The following NID2 variants were observed in gnomAD, a reference collection of about 807,000 sequenced individuals.
The protein encoded by NID2 is nidogen 2.
Under a neutral mutation model 145.4 loss-of-function variants are expected in NID2, and 83 were observed. The observed-to-expected ratio is 0.57, with a 90% CI of 0.48 to 0.69. The LOEUF (loss-of-function observed/expected upper bound fraction) is 0.69, where lower values mean the gene tolerates loss of function less well. Among genes scored for constraint, NID2 ranks in the 30% least tolerant of loss-of-function variants. The pLI, the probability that NID2 is intolerant of heterozygous loss-of-function variation, is 0.00. For missense variants in NID2, 1,807 were observed against 1,765.7 expected, an observed-to-expected ratio of 1.02 and a Z score of -0.42; for synonymous variants, 739 against 701.3, an observed-to-expected ratio of 1.05 and a Z score of -0.85.
At position 52,007,877 on chromosome 14, in the gene NID2, T is replaced by C. The variant is rs1402556412; in HGVS notation, c.3813A>G (p.Thr1271=). 1 of 1,613,936 alleles carries C rather than the reference T, an allele frequency of 6.2e-7. No homozygotes were observed. The highest frequency in any genetic ancestry group is 8.5e-7 in the Non-Finnish European group (1 of 1,179,870). ...DGENRRILIN[T]DIGLPNGLTF... ...TTAAGCCATTGGGCAATCCAATGTC[T>C]GTATTGATCAGAATTCTTCTGTTTT... is the stretch of plus-strand genomic sequence containing the variant. The change falls in exon 19 of 22, where the codon ACA becomes ACG. Residue 1271 remains threonine (T), a synonymous_variant. Coordinates refer to ENST00000216286, the MANE Select transcript of NID2 (RefSeq NM_007361.4).
In NID2 at chr14:52,019,272, G is replaced by GGCTTGA; in HGVS notation, c.2816_2817insTCAAGC (p.Pro939_Cys940insGlnAla). 1 of 1,596,398 alleles carries GGCTTGA rather than the reference G, an allele frequency of 6.3e-7. No homozygotes were observed. The highest frequency in any genetic ancestry group is 8.6e-7 in the Non-Finnish European group (1 of 1,165,814). On this transcript the variant is annotated inframe_insertion, in exon 14 of 22. Transcript: ENST00000216286. Reference sequence around the variant, plus strand: ...GGGCATGGCGCTGCTGTTGTTCACAGGGTGTCAGGCTTGAGGTGGAGTCTT... The same window carrying GGCTTGA: ...GGGCATGGCGCTGCTGTTGTTCACAGGCTTGAGGTGTCAGGCTTGAGGTGGAGTCTT...
At chr14:52,053,004 C>T (rs1465249535) in intron 5 of NID2, among the ~76,000 whole-genome samples, 1 of 152,218 alleles carries the variant, frequency 6.6e-6, no homozygotes, top group Non-Finnish European at 1.5e-5. Context: ...CAGGGAGGTT[C>T]ATGCCACAGC....
At chr14:52,006,410 A>T in intron 20 of NID2, 127 bp downstream of exon 20, 1 of 927,666 alleles carries the variant, frequency 1.1e-6, no homozygotes, top group African/African-American at 1.7e-5. Flanking sequence ...GCCAATGAGG[A>T]GGTGATGAAA....
At chr14:52,062,005 C>T (rs1162589841) in intron 2 of NID2, among the ~76,000 whole-genome samples, 1 of 152,150 alleles carries the variant, frequency 6.6e-6, no homozygotes, top group Non-Finnish European at 1.5e-5. Context: ...CAGACAAACT[C>T]GGGCACAGAG....
At chr14:52,024,618 T>C (rs182276556) in intron 12 of NID2, among the ~76,000 whole-genome samples, 13 of 152,300 alleles carry the variant, frequency 8.5e-5, no homozygotes, top group Admixed American at 5.9e-4. Context: ...TGCTTGAAGC[T>C]GCTACATTTT....
chr14:52,021,365 T>C (rs1206481634), intron 12 of NID2, among the ~76,000 whole-genome samples: 2 of 152,156 alleles, frequency 1.3e-5, no homozygotes, highest in African/African-American at 2.4e-5. Flanking sequence ...TGTGAATGGG[T>C]TGGGAACAGG....
chr14:52,025,618 C>T (rs1192458275), intron 12 of NID2, among the ~76,000 whole-genome samples: 1 of 152,202 alleles, frequency 6.6e-6, no homozygotes. Context: ...GGCCTTCCTG[C>T]TGGTTGGGAC....
intron 16 of NID2, 63 bp from the exon 17 acceptor site, chr14:52,011,746 G>C (rs1891038906): frequency 1.3e-6 from 2 of 1,593,264 alleles, no homozygotes; most frequent in East Asian, 2.2e-5. Context: ...TTCACACTCA[G>C]CTGCCTTGCT....
intron 12 of NID2, among the ~76,000 whole-genome samples, chr14:52,022,310 G>A (rs1891430148): frequency 6.6e-6 from 1 of 152,192 alleles, no homozygotes; most frequent in African/African-American, 2.4e-5. Flanking sequence ...GGAGGAGAAA[G>A]TCCCCAAAGA....
chr14:52,021,502 C>T (rs936420700), intron 12 of NID2, among the ~76,000 whole-genome samples: 13 of 152,188 alleles, frequency 8.5e-5, no homozygotes, highest in African/African-American at 2.9e-4. Context: ...TCTCGAATAC[C>T]ATTAAGTACA....
intron 12 of NID2, among the ~76,000 whole-genome samples, chr14:52,022,363 G>A (rs910592177): frequency 3.9e-5 from 6 of 152,188 alleles, no homozygotes; most frequent in Admixed American, 2.0e-4. Context: ...CCCAAAGATT[G>A]AGACTCCCTG....
intron 15 of NID2, 49 bp from the exon 16 acceptor site, chr14:52,014,505 G>A: frequency 6.5e-7 from 1 of 1,548,590 alleles, no homozygotes; most frequent in East Asian, 2.3e-5. Flanking sequence ...GGGCAGGCAG[G>A]GAGATGGGAA....
intron 9 of NID2, among the ~76,000 whole-genome samples, chr14:52,036,673 T>C (rs1006941870): frequency 6.6e-6 from 1 of 152,198 alleles, no homozygotes; most frequent in African/African-American, 2.4e-5. Context: ...CACTTGTTAT[T>C]ACCCGTTTTT....
Position 52,038,858 on chromosome 14 carries a change from G to A in NID2, c.2146C>T (p.Pro716Ser). Residue 716 changes from proline to serine, a missense_variant, in exon 9 of 22, where the codon CCG becomes TCG. By Grantham distance (74) the Pro-to-Ser change is moderately conservative (BLOSUM62 -1). Coordinates refer to ENST00000216286, the MANE Select transcript of NID2 (RefSeq NM_007361.4). ...AGCTGCTGGGTGGTGGGGAAGGACGGGTGTCTGGGGGCGTGCCTGCACACC... is the reference window on the plus strand; with the variant it reads ...AGCTGCTGGGTGGTGGGGAAGGACGAGTGTCTGGGGGCGTGCCTGCACACC... ...YQVCRHAPRH[P>S]SFPTTQQLNV... The A allele has an allele frequency of 6.2e-7, 1 of 1,614,102 alleles. No homozygotes were observed. Among genetic ancestry groups the A allele is most frequent in the Non-Finnish European group, 8.5e-7 (1 of 1,180,002 alleles).
chr14:52,049,202 T>A (rs1892607009), intron 5 of NID2, among the ~76,000 whole-genome samples: 1 of 151,824 alleles, frequency 6.6e-6, no homozygotes, highest in East Asian at 1.9e-4. Flanking sequence ...TTTTTTTTGT[T>A]TGTTTTTAAC....
At chr14:52,010,056 A>G (rs1890949544) in intron 18 of NID2, 1 of 152,202 alleles carries the variant, frequency 6.6e-6, no homozygotes, top group African/African-American at 2.4e-5. Context: ...AGCCTATGCA[A>G]AGAGTTTTTA....
intron 9 of NID2, among the ~76,000 whole-genome samples, chr14:52,035,856 G>GTGTATATATATATATATATATATATA (rs763855059): frequency 1.5e-5 from 1 of 65,292 alleles, no homozygotes; most frequent in African/African-American, 4.6e-5. Context: ...ATTTTTTTGT[G>GTGTATATATATATATATATATATATA]TATATATATA....
chr14:52,029,473 T>C (rs1891717408), intron 10 of NID2, 74 bp downstream of exon 10: 1 of 1,446,536 alleles, frequency 6.9e-7, no homozygotes, highest in Non-Finnish European at 9.5e-7. Context: ...ACTTGTCTTC[T>C]ACAGACATAA....
At chr14:52,037,685 A>G (rs541127535) in intron 9 of NID2, among the ~76,000 whole-genome samples, 16 of 152,238 alleles carry the variant, frequency 1.1e-4, no homozygotes, top group Non-Finnish European at 2.2e-4. Flanking sequence ...TTCTTCAAAG[A>G]GCCAGCTGAG....
Sources: allele counts gnomAD v4.1 joint callset (sites outside exome capture counted in the v4.1 genomes callset), GRCh38; gene constraint gnomAD v4.1.1; transcripts MANE v1.5; gene names NCBI Gene and HGNC (gene_info 2026-07-23, HGNC 2026-07-21).